The following FREM2 variants were observed in gnomAD, a reference collection of about 807,000 sequenced individuals.
The protein encoded by FREM2 is FRAS1 related extracellular matrix 2, also known as FRAS1-related extracellular matrix protein 2.
FREM2 carries 119 observed loss-of-function variants against 219.9 expected under a neutral mutation model. The observed-to-expected ratio is 0.54, with a 90% CI of 0.47 to 0.63. FREM2 has a LOEUF of 0.63. FREM2 is among the 30% of genes least tolerant of loss of function. The pLI is 0.00. For missense variants in FREM2, 4,030 were observed against 3,993.6 expected (o/e 1.01, Z -0.25); for synonymous variants, 1,562 against 1,522.8 (o/e 1.03, Z -0.60).
chr13:38,701,762 G>A (rs893533680), intron 2 of FREM2, among the ~76,000 whole-genome samples: 1 of 151,818 alleles, frequency 6.6e-6, no homozygotes, highest in African/African-American at 2.4e-5. Flanking sequence ...CCTCTCCAAA[G>A]TTGCTCCCAA....
intron 2 of FREM2, among the ~76,000 whole-genome samples, chr13:38,717,022 T>C (rs55736221): frequency 0.12 from 18,287 of 152,230 alleles, 1,287 homozygotes; most frequent in Middle Eastern, 0.24. Flanking sequence ...GAGAAAGAGA[T>C]GATTTGACTA....
At chr13:38,719,176 G>A (rs1871124673) in intron 2 of FREM2, among the ~76,000 whole-genome samples, 1 of 152,106 alleles carries the variant, frequency 6.6e-6, no homozygotes, top group African/African-American at 2.4e-5. Context: ...CACTTTCCTT[G>A]GCTCATAGCC....
chr13:38,855,034 A>G (rs979585015), intron 11 of FREM2, among the ~76,000 whole-genome samples: 1 of 152,204 alleles, frequency 6.6e-6, no homozygotes, highest in African/African-American at 2.4e-5. Flanking sequence ...TAGTTTATCC[A>G]TGGTTTACAG....
intron 16 of FREM2, among the ~76,000 whole-genome samples, chr13:38,864,893 A>G (rs916147724): frequency 2.0e-5 from 3 of 152,232 alleles, no homozygotes; most frequent in East Asian, 1.9e-4. Context: ...CTCTGATATT[A>G]TAAAAATCCA....
At chr13:38,816,411 T>A (rs114531219) in intron 6 of FREM2, among the ~76,000 whole-genome samples, 7 of 152,168 alleles carry the variant, frequency 4.6e-5, no homozygotes, top group African/African-American at 1.7e-4. Context: ...ATTCCAGAGA[T>A]GCATGGATGG....
At chr13:38,706,067 T>C (rs1352460304) in intron 2 of FREM2, among the ~76,000 whole-genome samples, 4 of 152,226 alleles carry the variant, frequency 2.6e-5, no homozygotes, top group African/African-American at 9.6e-5. Flanking sequence ...GTTTTCACTA[T>C]GGCCAAATAA....
chr13:38,777,334 T>C (rs754188848), intron 4 of FREM2, among the ~76,000 whole-genome samples: 8 of 152,190 alleles, frequency 5.3e-5, no homozygotes, highest in Non-Finnish European at 1.2e-4. Flanking sequence ...CCTTTTGTTT[T>C]TCTCTGGTGT....
intron 6 of FREM2, among the ~76,000 whole-genome samples, chr13:38,833,112 A>G (rs1276535420): frequency 6.6e-6 from 1 of 152,202 alleles, no homozygotes; most frequent in African/African-American, 2.4e-5. Context: ...GCAGCATGTC[A>G]TAAATTAAGT....
chr13:38,796,890 TG>T (rs769568238), intron 6 of FREM2, among the ~76,000 whole-genome samples: 4 of 152,174 alleles, frequency 2.6e-5, no homozygotes, highest in South Asian at 2.1e-4. Flanking sequence ...TGTTTTGTTT[TG>T]TTTTTTTGAG....
rs79250047 is a variant in FREM2 at position 38,807,741 on chromosome 13, C to T, written c.6019+22933C>T. On this transcript the variant is annotated intron_variant, in intron 6 of 23. Transcript: ENST00000280481. ...AATATTCATTAAACTATGTTGTAAA[C>T]GGATGTACTGTCATCTAGGCTTTGT... 0.011 allele frequency among the ~76,000 whole-genome samples: 1,654 copies of T among 151,892 alleles called. 147 individuals carry two copies. The East Asian group carries it at 0.15, about 14-fold the overall frequency.
intron 2 of FREM2, among the ~76,000 whole-genome samples, chr13:38,733,061 G>A (rs902531821): frequency 6.6e-6 from 1 of 152,126 alleles, no homozygotes; most frequent in African/African-American, 2.4e-5. Context: ...AGGGATGGTA[G>A]CAGATGATAG....
intron 6 of FREM2, among the ~76,000 whole-genome samples, chr13:38,833,268 A>G (rs1876581489): frequency 6.6e-6 from 1 of 152,140 alleles, no homozygotes; most frequent in African/African-American, 2.4e-5. Context: ...AATAAAGCTA[A>G]CAACTTTTAA....
intron 12 of FREM2, among the ~76,000 whole-genome samples, chr13:38,856,944 G>T (rs1252024390): frequency 6.6e-6 from 1 of 151,914 alleles, no homozygotes; most frequent in Non-Finnish European, 1.5e-5. Context: ...TTTAGTATGA[G>T]TTCAAGCTGG....
chr13:38,881,175 TATCAC>T lies in FREM2; in HGVS notation c.*391_*395del, dbSNP rs1310917910. On this transcript the variant is annotated 3_prime_UTR_variant, in exon 24 of 24. Coordinates refer to ENST00000280481, the MANE Select transcript of FREM2 (RefSeq NM_207361.6). ...TTAGTGTGAATGTTGAAGGTGCAAT[TATCAC>T]ATTGTTTATTAATTGTATAACAGAT... The T allele has an allele frequency of 6.9e-6, 2 of 291,770 alleles. No homozygotes were observed. The highest frequency in any genetic ancestry group is 1.7e-4 in the East Asian group (2 of 11,458). The allele number at this position is 291,770 out of a possible 1,614,324, so 18.1% of individuals were successfully genotyped here. A position where few individuals can be genotyped will look rare whatever the true frequency, so the allele number is the denominator to read the frequency against.
At chr13:38,790,255 G>A (rs1476714795) in intron 6 of FREM2, among the ~76,000 whole-genome samples, 6 of 152,178 alleles carry the variant, frequency 3.9e-5, no homozygotes, top group South Asian at 2.1e-4. Context: ...GACTTTATTC[G>A]TGGGGTTTCA....
rs1267762695 is a variant in FREM2, at chr13:38,885,298, A to G, written c.*4511A>G. 1.6e-4 allele frequency: 24 copies of G among 152,184 alleles called. No homozygotes were observed. Among genetic ancestry groups the G allele is most frequent in the Admixed American group, 1.6e-3 (24 of 15,270 alleles). The allele number at this position is 152,184 out of a possible 1,614,324, so 9.4% of individuals were successfully genotyped here. ...TTAATTTTATTTTATTAGGAGAAAAATCAGAATATTAAATTTGCAAACTTT... is the reference window on the plus strand; with the variant it reads ...TTAATTTTATTTTATTAGGAGAAAAGTCAGAATATTAAATTTGCAAACTTT... On this transcript the variant is annotated 3_prime_UTR_variant, in exon 24 of 24. Coordinates refer to ENST00000280481, the MANE Select transcript of FREM2 (RefSeq NM_207361.6).
chr13:38,844,955 T>C (rs1877096239), intron 6 of FREM2, among the ~76,000 whole-genome samples: 1 of 152,206 alleles, frequency 6.6e-6, no homozygotes, highest in African/African-American at 2.4e-5. Flanking sequence ...TGAGGTTGGC[T>C]TTGACTGAGG....
rs1878213288 is a variant in FREM2 at position 38,872,922 on chromosome 13, G to A, written c.8164G>A (p.Ala2722Thr). The A allele has an allele frequency of 1.2e-6, 2 of 1,613,604 alleles. No homozygotes were observed. The highest frequency in any genetic ancestry group is 1.7e-6 in the Non-Finnish European group (2 of 1,179,832). Residue 2722 changes from alanine (A) to threonine (T), a missense_variant, in exon 17 of 24, where the codon GCT becomes ACT. Ala to Thr is a moderately conservative substitution (Grantham distance 58). This residue lies in a region of FREM2 where 928 missense variants were observed against 1,042.9 expected (regional missense o/e 0.89). Coordinates refer to ENST00000280481, the MANE Select transcript of FREM2 (RefSeq NM_207361.6). The part of the protein sequence containing the change: ...WNDGIGSPPE[A>T]ELQGSLYPTS... Reference sequence around the variant, plus strand: ...TGATGGAATTGGCAGCCCCCCAGAGGCTGAACTTCAAGGTGAGTTCAGAAG... The same window carrying A: ...TGATGGAATTGGCAGCCCCCCAGAGACTGAACTTCAAGGTGAGTTCAGAAG...
rs1444211519 is a variant in FREM2, at chr13:38,884,526, T to TA, written c.*3744dup. The stretch of plus-strand genomic sequence containing the variant: ...TAATAAGTAAAGAAAATAATATGTT[T>TA]AAAAATGTAAATGTTTTACAAATTT... On this transcript the variant is annotated 3_prime_UTR_variant, in exon 24 of 24. Coordinates refer to ENST00000280481, the MANE Select transcript of FREM2 (RefSeq NM_207361.6). 6.6e-6 allele frequency: 1 copy of TA among 152,228 alleles called. No individual in the cohort carries two copies. The highest frequency in any genetic ancestry group is 1.9e-4 in the East Asian group (1 of 5,206). 9.4% of individuals were successfully genotyped at this position (152,228 alleles called of 1,614,324 possible). A position where few individuals can be genotyped will look rare whatever the true frequency, so the allele number is the denominator to read the frequency against.
Sources: gnomAD v4.1 joint callset for allele counts (sites outside exome capture counted in the v4.1 genomes callset) on GRCh38, gnomAD v4.1.1 for gene constraint, gnomAD v4.1.1 regional missense constraint, MANE v1.5 for transcripts, NCBI Gene and HGNC (gene_info 2026-07-23, HGNC 2026-07-21) for gene names.